CERS6: variants seen among roughly 807,000 people sequenced by gnomAD.
CERS6 encodes ceramide synthase 6.
A neutral mutation model predicts 56.8 loss-of-function variants in CERS6; 26 were observed. The ratio of observed to expected loss-of-function variants is 0.46; its 90% CI spans 0.34 to 0.63. The LOEUF (loss-of-function observed/expected upper bound fraction) is 0.63. CERS6 is among the 30% of genes least tolerant of loss of function. The probability of loss-of-function intolerance (pLI) is 0.01; values close to 1 mark genes in which losing one functional copy is unlikely to be tolerated. For missense variants in CERS6, 415 were observed against 467.5 expected (o/e 0.89, Z 1.04); for synonymous variants, 164 against 173.3 (o/e 0.95, Z 0.42).
intron 3 of CERS6, among the ~76,000 whole-genome samples, chr2:168,574,890 G>A (rs1006061163): frequency 6.6e-6 from 1 of 152,214 alleles, no homozygotes; most frequent in East Asian, 1.9e-4. Context: ...TGTTGGAGGA[G>A]TTAAAGCTCA....
intron 4 of CERS6, among the ~76,000 whole-genome samples, chr2:168,631,915 G>GTC (rs201129407): frequency 7.3e-6 from 1 of 136,322 alleles, no homozygotes; most frequent in Non-Finnish European, 1.5e-5. Flanking sequence ...TATAATATCT[G>GTC]TCTCTCTCTC....
chr2:168,458,906 G>T (rs79700549), intron 1 of CERS6, among the ~76,000 whole-genome samples: 8,678 of 152,156 alleles, frequency 0.057, 379 homozygotes, highest in South Asian at 0.19. Context: ...CATATTCTGG[G>T]ATCCAACCTG....
intron 4 of CERS6, among the ~76,000 whole-genome samples, chr2:168,665,750 A>C (rs1685741332): frequency 6.6e-6 from 1 of 152,210 alleles, no homozygotes; most frequent in Non-Finnish European, 1.5e-5. Context: ...AGTAGTCAGT[A>C]AACTCTCACT....
intron 1 of CERS6, among the ~76,000 whole-genome samples, chr2:168,466,840 T>C (rs1244029002): frequency 6.6e-6 from 1 of 152,152 alleles, no homozygotes; most frequent in East Asian, 1.9e-4. Context: ...GATACACAAA[T>C]GGTTTTTAAT....
chr2:168,480,500 C>T (rs952806782), intron 1 of CERS6, among the ~76,000 whole-genome samples: 6 of 152,180 alleles, frequency 3.9e-5, no homozygotes, highest in African/African-American at 1.2e-4. Flanking sequence ...GAGTTAATGA[C>T]TCATCCAAGA....
rs1267811446 is a variant in CERS6, at chr2:168,456,417, G to A, written c.-32G>A. On this transcript the variant is annotated 5_prime_UTR_variant, in exon 1 of 10. Transcript: ENST00000305747. This position sits in a 1 kb window ranked among gnomAD's most constrained non-coding sequence, Gnocchi z 4.1. ...CGCGGTGGAGAGCTTGGCGGGCTGCGGGTGCCGCAGGACAGGAGTGGACAA... is the reference window on the plus strand; with the variant it reads ...CGCGGTGGAGAGCTTGGCGGGCTGCAGGTGCCGCAGGACAGGAGTGGACAA... 6.5e-7 allele frequency: 1 copy of A among 1,549,242 alleles called. No individual in the cohort carries two copies. Among genetic ancestry groups the A allele is most frequent in the East Asian group, 2.5e-5 (1 of 39,508 alleles).
chr2:168,764,463 A>G (rs1684674069), intron 8 of CERS6, among the ~76,000 whole-genome samples: 2 of 152,130 alleles, frequency 1.3e-5, no homozygotes, highest in South Asian at 4.1e-4. Flanking sequence ...TTCTGTAATC[A>G]TTTTTGTCAA....
intron 4 of CERS6, among the ~76,000 whole-genome samples, chr2:168,671,775 A>G (rs567381411): frequency 2.2e-4 from 33 of 152,308 alleles, no homozygotes; most frequent in South Asian, 2.1e-4. Context: ...CTAAATTGAT[A>G]CATTTTCACC....
At chr2:168,537,481 GT>G (rs1695286179) in intron 1 of CERS6, among the ~76,000 whole-genome samples, 1 of 152,004 alleles carries the variant, frequency 6.6e-6, no homozygotes, top group South Asian at 2.1e-4. Context: ...AGCAAGTGTT[GT>G]TTTTCAGATT....
At chr2:168,686,086 AGATGG>A (rs1290051297) in intron 4 of CERS6, among the ~76,000 whole-genome samples, 3 of 145,810 alleles carry the variant, frequency 2.1e-5, no homozygotes, top group African/African-American at 7.7e-5. Flanking sequence ...ACCGCATACT[AGATGG>A]CTTGAGCAAC....
chr2:168,485,420 A>G (rs1325087583), intron 1 of CERS6, among the ~76,000 whole-genome samples: 2 of 152,198 alleles, frequency 1.3e-5, no homozygotes, highest in Non-Finnish European at 2.9e-5. Context: ...TTGCAAATGT[A>G]TAGTGAGGTA....
chr2:168,499,716 T>C (rs1317704794), intron 1 of CERS6, among the ~76,000 whole-genome samples: 1 of 152,178 alleles, frequency 6.6e-6, no homozygotes, highest in African/African-American at 2.4e-5. Flanking sequence ...ATTTCTTGGC[T>C]CAATTTTTGT....
chr2:168,490,963 T>C (rs1453737733), intron 1 of CERS6, among the ~76,000 whole-genome samples: 1 of 152,226 alleles, frequency 6.6e-6, no homozygotes, highest in Non-Finnish European at 1.5e-5. Flanking sequence ...TTCACTGTTT[T>C]GTGAGATGTA....
intron 4 of CERS6, among the ~76,000 whole-genome samples, chr2:168,638,014 T>C (rs1231632830): frequency 1.3e-5 from 2 of 152,088 alleles, no homozygotes; most frequent in African/African-American, 4.8e-5. Context: ...AAATAAAAAT[T>C]AAAAGTCGAA....
At chr2:168,721,669 G>T (rs1216577596) in intron 8 of CERS6, among the ~76,000 whole-genome samples, 1 of 149,242 alleles carries the variant, frequency 6.7e-6, no homozygotes, top group Non-Finnish European at 1.5e-5. Context: ...GCCAGGCTGG[G>T]CTACAGTGAT....
intron 6 of CERS6, among the ~76,000 whole-genome samples, chr2:168,701,441 C>G (rs1686802141): frequency 6.6e-6 from 1 of 152,104 alleles, no homozygotes; most frequent in Non-Finnish European, 1.5e-5. Flanking sequence ...TGCCTTTCTC[C>G]CAGTGTTGAA....
At chr2:168,579,653 G>A (rs1683360701) in intron 3 of CERS6, among the ~76,000 whole-genome samples, 1 of 151,986 alleles carries the variant, frequency 6.6e-6, no homozygotes, top group South Asian at 2.1e-4. Flanking sequence ...CCCTTGCCTG[G>A]CACAGGTATA....
intron 3 of CERS6, among the ~76,000 whole-genome samples, chr2:168,627,895 T>C (rs1375617942): frequency 6.6e-6 from 1 of 152,140 alleles, no homozygotes; most frequent in Non-Finnish European, 1.5e-5. Context: ...TTACCCTCTA[T>C]GTAAATGACT....
At chr2:168,463,146 A>G (rs1693807040) in intron 1 of CERS6, among the ~76,000 whole-genome samples, 1 of 152,246 alleles carries the variant, frequency 6.6e-6, no homozygotes, top group Admixed American at 6.5e-5. Flanking sequence ...TAGGAAATAC[A>G]CTTAACTTTA....
Sources: gnomAD v4.1 joint callset for allele counts (sites outside exome capture counted in the v4.1 genomes callset) on GRCh38, gnomAD v4.1.1 for gene constraint, Gnocchi (gnomAD v3.1) non-coding constraint, MANE v1.5 for transcripts, NCBI Gene and HGNC (gene_info 2026-07-23, HGNC 2026-07-21) for gene names.